The following CR1 variants were observed in gnomAD, a reference collection of about 807,000 sequenced individuals.
The protein encoded by CR1 is complement C3b/C4b receptor 1 (Knops blood group), also known as complement receptor type 1.
CR1 carries 116 observed loss-of-function variants against 187.3 expected under a neutral mutation model. The observed-to-expected ratio is 0.62, with a 90% CI of 0.53 to 0.72. CR1 has a LOEUF of 0.72. Ranked by LOEUF, CR1 falls within the 30% of genes least tolerant of loss-of-function variation. The pLI, the probability that CR1 is intolerant of heterozygous loss-of-function variation, is 0.00. For synonymous variants in CR1, 576 were observed against 747.1 expected (o/e 0.77, Z 3.73); for missense variants, 1,731 against 2,110.7 (o/e 0.82, Z 3.52).
rs183721903 is a variant in CR1, at chr1:207,522,330, T to C, written c.488-1281T>C. Among the ~76,000 whole-genome samples the C allele has an allele frequency of 4.4e-4, 67 of 152,340 alleles. 1 individual carries two copies. In the East Asian group the frequency reaches 0.012, roughly 28 times the overall value. Reference sequence around the variant, plus strand: ...TAGTTCCAGTCTCTGAGACAGCAAATTTATTTTCAGTTAACCCTGATTACC... The same window carrying C: ...TAGTTCCAGTCTCTGAGACAGCAAACTTATTTTCAGTTAACCCTGATTACC... On this transcript the variant is annotated intron_variant, in intron 4 of 46. Coordinates refer to ENST00000367049, the MANE Select transcript of CR1 (RefSeq NM_000651.6).
At chr1:207,625,371 T>G (rs10779336) in intron 45 of CR1, among the ~76,000 whole-genome samples, 123,689 of 152,164 alleles carry the variant, frequency 0.81, 50,492 homozygotes, top group South Asian at 0.9. Flanking sequence ...AGGTCAGGGA[T>G]GTAAACCTCC....
chr1:207,616,245 C>G (rs1176684886), intron 40 of CR1, among the ~76,000 whole-genome samples: 2 of 152,104 alleles, frequency 1.3e-5, no homozygotes, highest in African/African-American at 4.8e-5. Flanking sequence ...ATTGTCAACT[C>G]AGGAATCTTA....
At chr1:207,499,995 A>G (rs1659216819) in intron 1 of CR1, among the ~76,000 whole-genome samples, 1 of 152,226 alleles carries the variant, frequency 6.6e-6, no homozygotes, top group South Asian at 2.1e-4. Flanking sequence ...GCAAAGACAC[A>G]TGTATACACA....
At chr1:207,578,343 A>T in intron 29 of CR1, 140 bp downstream of exon 29, 2 of 1,531,442 alleles carry the variant, frequency 1.3e-6, no homozygotes, top group Non-Finnish European at 1.8e-6. Context: ...GCATGAAATT[A>T]AGAATTGGGG....
Position 207,578,149 on chromosome 1 carries a change from G to T in CR1, c.4882G>T (p.Val1628Leu), listed in dbSNP as rs1329610747. ...PGFVMKGPRR[V>L]KCQALNKWEP... is the part of the protein sequence containing the mutation. ...CTTTGTCATGAAAGGACCCCGCCGT[G>T]TGAAGTGCCAGGCCCTGAACAAATG... The change falls in exon 29 of 47, where the codon GTG becomes TTG. Residue 1628 changes from valine (V) to leucine (L), a missense_variant. This residue lies in a region of CR1 where 1,312 missense variants were observed against 1,379.6 expected (regional missense o/e 0.95). Transcript: ENST00000367049. 1.9e-6 allele frequency: 3 copies of T among 1,611,874 alleles called. No homozygotes were observed. In the East Asian group the frequency reaches 6.7e-5, roughly 36 times the overall value.
chr1:207,508,726 T>G (rs1235305033), intron 3 of CR1, among the ~76,000 whole-genome samples: 1 of 152,202 alleles, frequency 6.6e-6, no homozygotes, highest in Non-Finnish European at 1.5e-5. Context: ...AAAAGTTTTT[T>G]TTTTTTTTAA....
intron 23 of CR1, among the ~76,000 whole-genome samples, chr1:207,564,570 G>T (rs904555130): frequency 6.7e-6 from 1 of 150,156 alleles, no homozygotes; most frequent in Non-Finnish European, 1.5e-5. Context: ...GGAGGTTGAG[G>T]CAGGCAGATC....
intron 35 of CR1, among the ~76,000 whole-genome samples, chr1:207,596,039 C>A (rs1661428013): frequency 7.1e-6 from 1 of 141,826 alleles, no homozygotes; most frequent in Non-Finnish European, 1.5e-5. Context: ...AGTATAAAAT[C>A]TATATATCTA....
At chr1:207,504,228 T>A (rs1659360538) in intron 1 of CR1, among the ~76,000 whole-genome samples, 1 of 152,228 alleles carries the variant, frequency 6.6e-6, no homozygotes, top group East Asian at 1.9e-4. Context: ...TACTGTATAT[T>A]CAAAATAAGC....
rs757322596 is a variant in CR1 at position 207,526,846 on chromosome 1, A to C, written c.980A>C (p.Glu327Ala). 4 of 1,495,276 alleles carry C rather than the reference A, an allele frequency of 2.7e-6. 1 individual carries two copies. The highest frequency in any genetic ancestry group is 3.5e-6 in the Non-Finnish European group (4 of 1,128,428). 92.6% of individuals were successfully genotyped at this position (1,495,276 alleles called of 1,614,324 possible). Reference protein sequence around the residue: ...SPGQEVFYSCEPGYDLRGAAS... With the variant: ...SPGQEVFYSCAPGYDLRGAAS... The stretch of plus-strand genomic sequence containing the variant: ...GGGCAGGAAGTGTTCTACAGCTGTG[A>C]GCCCGGCTACGACCTCAGAGGGGCT... Residue 327 changes from glutamate (E) to alanine (A), a missense_variant, in exon 6 of 47, where the codon GAG becomes GCG. Transcript: ENST00000367049.
In CR1 at chr1:207,506,765, T is replaced by C. The variant is rs376045736; in HGVS notation, c.353T>C (p.Ile118Thr). 2.8e-5 allele frequency: 45 copies of C among 1,613,610 alleles called. No individual in the cohort carries two copies. The African/African-American group carries it at 5.3e-4, about 19-fold the overall frequency. The change falls in exon 3 of 47, where the codon ATC (isoleucine) becomes ACC (threonine). Residue 118 changes from isoleucine (I) to threonine (T), a missense_variant. Around this residue, in one of 5 missense-constraint regions of CR1, gnomAD observed 237 missense variants for 240.4 expected, o/e 0.99. Transcript: ENST00000367049. ...CCTGTGAATGGCATGGTGCATGTGA[T>C]CAAAGGCATCCAGTTCGGATCCCAA... is the stretch of plus-strand genomic sequence containing the variant. The part of the protein sequence containing the change: ...PDPVNGMVHV[I>T]KGIQFGSQIK...
chr1:207,518,392 A>G (rs1659868034), intron 4 of CR1, among the ~76,000 whole-genome samples: 1 of 152,224 alleles, frequency 6.6e-6, no homozygotes, highest in African/African-American at 2.4e-5. Flanking sequence ...CATTTAGGAA[A>G]ATGTGGTTTA....
At chr1:207,617,610 TATAGAGAGAGAGAGAGAGAG>T (rs1414840557) in intron 41 of CR1, among the ~76,000 whole-genome samples, 62 of 9,322 alleles carry the variant, frequency 6.7e-3, no homozygotes, top group South Asian at 0.023. Flanking sequence ...TATATATATA[TATAGAGAGAGAGAGAGAGAG>T]AGAGAGAGAG....
At chr1:207,588,531 T>G (rs766253043) in intron 34 of CR1, 144 bp from the exon 35 acceptor site, 167 of 642,170 alleles carry the variant, frequency 2.6e-4, no homozygotes, top group Non-Finnish European at 4.3e-4. Context: ...GATTCTGAAG[T>G]TGTCTGCCAA....
In CR1 at chr1:207,577,954, A is replaced by G. The variant is rs984613445; in HGVS notation, c.4687A>G (p.Ile1563Val). 4 of 1,611,882 alleles carry G rather than the reference A, an allele frequency of 2.5e-6. No homozygotes were observed. The highest frequency in any genetic ancestry group is 1.7e-5 in the Admixed American group (1 of 59,990). ...GTTTGAGCTTGTGGGTGAGCCCTCC[A>G]TATACTGCACCAGCAATGACGATCA... is the stretch of plus-strand genomic sequence containing the variant. ...KVFELVGEPS[I>V]YCTSNDDQVG... Residue 1563 changes from isoleucine (I) to valine (V), a missense_variant, in exon 29 of 47, where the codon ATA (isoleucine) becomes GTA (valine). By Grantham distance (29) the Ile-to-Val change is conservative. Coordinates refer to ENST00000367049, the MANE Select transcript of CR1 (RefSeq NM_000651.6).
At position 207,568,010 on chromosome 1, in the gene CR1, G is replaced by A; in HGVS notation, c.4139G>A (p.Trp1380Ter). ...CTSDPQGNGV[W>*]SSPAPRCGIL... ...AGTGACCCTCAAGGGAATGGGGTTT[G>A]GAGCAGCCCTGCCCCTCGCTGTGGA... Residue 1380 changes from tryptophan to a stop codon, truncating the protein, a stop_gained, in exon 25 of 47, where the codon TGG becomes TAG. Transcript: ENST00000367049. LOFTEE classifies it high-confidence loss of function. 2 of 1,610,658 alleles carry A rather than the reference G, an allele frequency of 1.2e-6. No homozygotes were observed. The highest frequency in any genetic ancestry group is 1.7e-6 in the Non-Finnish European group (2 of 1,179,604).
At chr1:207,631,753 C>A (rs564822482) in intron 46 of CR1, among the ~76,000 whole-genome samples, 2 of 152,278 alleles carry the variant, frequency 1.3e-5, no homozygotes, top group African/African-American at 2.4e-5. Flanking sequence ...GCCCAAGAAT[C>A]CTAAAATGTC....
chr1:207,518,510 A>G (rs188079966), intron 4 of CR1, among the ~76,000 whole-genome samples: 215 of 152,324 alleles, frequency 1.4e-3, no homozygotes, highest in African/African-American at 4.8e-3. Flanking sequence ...CCACAAACTT[A>G]GTGGCTTCAA....
chr1:207,586,136 G>T (rs1435612532), intron 33 of CR1, among the ~76,000 whole-genome samples: 1 of 151,862 alleles, frequency 6.6e-6, no homozygotes, highest in East Asian at 1.9e-4. Flanking sequence ...GTGTGTGTGT[G>T]TGTGTGTGTG....
Sources: allele counts gnomAD v4.1 joint callset (sites outside exome capture counted in the v4.1 genomes callset), GRCh38; gene constraint gnomAD v4.1.1; regional missense constraint gnomAD v4.1.1; transcripts MANE v1.5; gene names NCBI Gene and HGNC (gene_info 2026-07-23, HGNC 2026-07-21).